PSMD1: variants seen among roughly 807,000 people sequenced by gnomAD.
PSMD1 encodes proteasome 26S subunit, non-ATPase 1.
Under a neutral mutation model 119.0 loss-of-function variants are expected in PSMD1, and 18 were observed. That is an observed-to-expected ratio of 0.15 (90% confidence interval 0.10 to 0.22). PSMD1 has a LOEUF of 0.22. Ranked by LOEUF, PSMD1 falls within the 10% of genes least tolerant of loss-of-function variation. The pLI is 1.00. For synonymous variants in PSMD1, 374 were observed against 396.6 expected, an observed-to-expected ratio of 0.94 and a Z score of 0.68; for missense variants, 702 against 1,158.5, an observed-to-expected ratio of 0.61 and a Z score of 5.72.
chr2:231,064,413 A>G (rs551266465), intron 4 of PSMD1, among the ~76,000 whole-genome samples: 13 of 152,356 alleles, frequency 8.5e-5, no homozygotes, highest in Middle Eastern at 3.4e-3. Context: ...TTTATGACAT[A>G]TATGCAAACC....
chr2:231,157,792 C>T (rs2125263755), intron 19 of PSMD1, among the ~76,000 whole-genome samples: 1 of 152,048 alleles, frequency 6.6e-6, no homozygotes, highest in African/African-American at 2.4e-5. Flanking sequence ...GTCGCAAACT[C>T]CTAATCTCAG....
intron 19 of PSMD1, 87 bp from the exon 20 acceptor site, chr2:231,161,250 AAAG>A (rs1323959761): frequency 1.7e-4 from 218 of 1,285,630 alleles, no homozygotes; most frequent in African/African-American, 6.7e-4. Flanking sequence ...AAAAAAAAAA[AAAG>A]AAAGAAAGAA....
At position 231,057,179 on chromosome 2, in the gene PSMD1, CG is replaced by C. The variant is rs1371679905; in HGVS notation, c.16+141del. The stretch of plus-strand genomic sequence containing the variant: ...CTTCTTGCTGCCCAGGGCCCACCCC[CG>C]GGCCGGGGGGCTGGGAGTCTGATCA... On this transcript the variant is annotated intron_variant, in intron 1 of 24. Transcript: ENST00000308696. 5.5e-6 allele frequency: 6 copies of C among 1,094,444 alleles called. No homozygotes were observed. The African/African-American group carries it at 8.4e-5, about 15-fold the overall frequency. 67.8% of individuals were successfully genotyped at this position (1,094,444 alleles called of 1,614,324 possible).
chr2:231,141,669 A>G (rs1002790502), intron 17 of PSMD1, among the ~76,000 whole-genome samples: 6 of 150,788 alleles, frequency 4.0e-5, no homozygotes, highest in Non-Finnish European at 7.4e-5. Flanking sequence ...CACCTGATAT[A>G]TTTTACACTT....
intron 12 of PSMD1, 105 bp downstream of exon 12, chr2:231,080,419 C>A: frequency 1.1e-6 from 1 of 940,676 alleles, no homozygotes; most frequent in Non-Finnish European, 1.5e-6. Flanking sequence ...TTTGCGAATA[C>A]CCAAAACAAC....
chr2:231,141,414 T>A (rs1696108892), intron 17 of PSMD1, among the ~76,000 whole-genome samples: 1 of 147,968 alleles, frequency 6.8e-6, no homozygotes, highest in African/African-American at 2.6e-5. Context: ...CTGCTTACCC[T>A]GCTATACTTT....
intron 16 of PSMD1, among the ~76,000 whole-genome samples, chr2:231,106,022 T>G (rs1212694760): frequency 6.6e-6 from 1 of 151,990 alleles, no homozygotes; most frequent in Non-Finnish European, 1.5e-5. Flanking sequence ...AAAAAGGTTT[T>G]TTTTTTTTTT....
chr2:231,093,042 C>T (rs1291834419), intron 16 of PSMD1, among the ~76,000 whole-genome samples: 1 of 152,130 alleles, frequency 6.6e-6, no homozygotes, highest in East Asian at 1.9e-4. Flanking sequence ...GTCAATCCCT[C>T]CTAGCCAAGC....
In PSMD1 at chr2:231,143,138, G is replaced by A. The variant is rs534502809; in HGVS notation, c.1999-3102G>A. Among the ~76,000 whole-genome samples the A allele has an allele frequency of 1.7e-4, 25 of 150,550 alleles. No homozygotes were observed. The South Asian group carries it at 1.7e-3, about 10-fold the overall frequency. On this transcript the variant is annotated intron_variant, in intron 17 of 24. Transcript: ENST00000308696. ...TTTTTGTTGTTTTTCTTGTTGTTTTGTATTTTTTTTTTAACTCTAATCTCA... is the reference window on the plus strand; with the variant it reads ...TTTTTGTTGTTTTTCTTGTTGTTTTATATTTTTTTTTTAACTCTAATCTCA...
At position 231,070,138 on chromosome 2, in the gene PSMD1, G is replaced by A; in HGVS notation, c.624G>A (p.Leu208=). 1.3e-6 allele frequency: 2 copies of A among 1,554,714 alleles called. No homozygotes were observed. The highest frequency in any genetic ancestry group is 1.7e-6 in the Non-Finnish European group (2 of 1,158,526). Reference sequence around the variant, plus strand: ...TTCTAGTTAAAATCTACATGAACTTGGAGAAACCTGATTTCATCAATGTTT... The same window carrying A: ...TTCTAGTTAAAATCTACATGAACTTAGAGAAACCTGATTTCATCAATGTTT... ...LRVLVKIYMN[L]EKPDFINVCQ... is the part of the protein sequence containing the mutation. Residue 208 remains leucine, a synonymous_variant, in exon 6 of 25, where the codon TTG becomes TTA. Coordinates refer to ENST00000308696, the MANE Select transcript of PSMD1 (RefSeq NM_002807.4).
intron 18 of PSMD1, among the ~76,000 whole-genome samples, chr2:231,148,696 G>A (rs1221839246): frequency 6.6e-6 from 1 of 152,198 alleles, no homozygotes; most frequent in Non-Finnish European, 1.5e-5. Context: ...ACTCTTTAGA[G>A]CAAAGTTGTT....
At chr2:231,136,569 C>G (rs925188718) in intron 16 of PSMD1, among the ~76,000 whole-genome samples, 1 of 152,180 alleles carries the variant, frequency 6.6e-6, no homozygotes, top group Non-Finnish European at 1.5e-5. Flanking sequence ...AATCATCATT[C>G]CATTTATCTG....
At chr2:231,153,741 T>A (rs1395895617) in intron 19 of PSMD1, 75 bp downstream of exon 19, 2 of 1,065,948 alleles carry the variant, frequency 1.9e-6, no homozygotes, top group African/African-American at 3.3e-5. Flanking sequence ...TCTAACTATA[T>A]GACATAATGG....
In PSMD1 at chr2:231,057,031, C is replaced by T. The variant is rs757358021; in HGVS notation, c.6C>T (p.Ile2=). ...GGCGAGTGAGGGGCGCAGCCATGAT[C>T]ACCTCGGCCGGTGAGTGCGGCCCGT... The part of the protein sequence containing the change: M[I]TSAAGIISLL... Residue 2 remains isoleucine (I), a synonymous_variant, in exon 1 of 25, where the codon ATC becomes ATT. Transcript: ENST00000308696. The T allele has an allele frequency of 1.2e-5, 18 of 1,535,212 alleles. No homozygotes were observed. In the Admixed American group the frequency reaches 2.0e-4, roughly 17 times the overall value.
intron 19 of PSMD1, among the ~76,000 whole-genome samples, chr2:231,160,357 A>G (rs935952961): frequency 2.0e-5 from 3 of 152,180 alleles, no homozygotes; most frequent in African/African-American, 7.2e-5. Flanking sequence ...TGGCTTAATA[A>G]TTCGTAGGGT....
intron 10 of PSMD1, 53 bp downstream of exon 10, chr2:231,078,800 T>TTC: frequency 2.3e-6 from 3 of 1,331,640 alleles, no homozygotes; most frequent in African/African-American, 3.2e-5. Context: ...TCTTTTTTTT[T>TTC]TTTTTTTTTT....
intron 1 of PSMD1, 35 bp downstream of exon 1, chr2:231,057,076 G>A: frequency 4.7e-6 from 7 of 1,491,888 alleles, no homozygotes; most frequent in African/African-American, 1.5e-5. Flanking sequence ...CTGGAGGGAG[G>A]AGCCGCCGCC....
chr2:231,078,559 A>G (rs1325611005), intron 9 of PSMD1, 100 bp from the exon 10 acceptor site: 2 of 705,012 alleles, frequency 2.8e-6, no homozygotes, highest in African/African-American at 1.8e-5. Flanking sequence ...CAGTTTGTTC[A>G]TGCTTTTACC....
chr2:231,057,188 G>T (rs974486035), intron 1 of PSMD1, 147 bp downstream of exon 1: 1 of 1,025,100 alleles, frequency 9.8e-7, no homozygotes, highest in Non-Finnish European at 1.3e-6. Flanking sequence ...CCGGGCCGGG[G>T]GGCTGGGAGT....
Sources: allele counts gnomAD v4.1 joint callset (sites outside exome capture counted in the v4.1 genomes callset), GRCh38; gene constraint gnomAD v4.1.1; transcripts MANE v1.5; gene names NCBI Gene and HGNC (gene_info 2026-07-23, HGNC 2026-07-21).